SHLD2: variants seen among roughly 807,000 people sequenced by gnomAD.
SHLD2 encodes the protein shieldin complex subunit 2.
SHLD2 carries 30 observed loss-of-function variants against 73.2 expected under a neutral mutation model. The observed-to-expected ratio is 0.41, with a 90% CI of 0.31 to 0.56. SHLD2 has a LOEUF of 0.56. SHLD2 is among the 20% of genes least tolerant of loss of function. The pLI, the probability that SHLD2 is intolerant of heterozygous loss-of-function variation, is 0.28. For missense variants in SHLD2, 745 were observed against 1,055.9 expected (o/e 0.71, Z 4.08); for synonymous variants, 285 against 370.1 (o/e 0.77, Z 2.64).
intron 2 of SHLD2, among the ~76,000 whole-genome samples, chr10:87,113,800 G>T (rs1564580753): frequency 6.6e-6 from 1 of 152,172 alleles, no homozygotes; most frequent in African/African-American, 2.4e-5. Flanking sequence ...GAGGCCAGGA[G>T]TTCGAGAACA....
chr10:87,123,344 C>T (rs927868499), intron 2 of SHLD2, among the ~76,000 whole-genome samples: 1 of 151,912 alleles, frequency 6.6e-6, no homozygotes. Context: ...CTCTATCACC[C>T]AGGCTGGAGT....
chr10:87,164,063 T>C (rs923466810), intron 4 of SHLD2, among the ~76,000 whole-genome samples: 1 of 151,094 alleles, frequency 6.6e-6, no homozygotes, highest in African/African-American at 2.4e-5. Context: ...GTTCGAGCAA[T>C]TCTCCTGCTT....
At chr10:87,095,934 C>T (rs1275968763) in intron 1 of SHLD2, among the ~76,000 whole-genome samples, 1 of 152,206 alleles carries the variant, frequency 6.6e-6, no homozygotes, top group Non-Finnish European at 1.5e-5. Flanking sequence ...CTATCTCCCT[C>T]TGAAATAGTC....
chr10:87,136,451 A>T (rs1488723213), intron 2 of SHLD2, among the ~76,000 whole-genome samples: 1 of 150,732 alleles, frequency 6.6e-6, no homozygotes, highest in Non-Finnish European at 1.5e-5. Context: ...ACCAAGATCT[A>T]GGTGCTAGGT....
At position 87,146,082 on chromosome 10, in the gene SHLD2, A is replaced by C. The variant is rs201617023; in HGVS notation, c.-5-5268A>C. On this transcript the variant is annotated intron_variant, in intron 2 of 9. Coordinates refer to ENST00000298786, the MANE Select transcript of SHLD2 (RefSeq NM_001330112.2). ...GCCTTTGGTATAAACACTTTTTAAA[A>C]ATTTACTATTTTTTGATTTAATAGG... Among the ~76,000 whole-genome samples the C allele has an allele frequency of 5.8e-3, 882 of 152,126 alleles. 21 individuals carry two copies. The highest frequency in any genetic ancestry group is 8.3e-3 in the East Asian group (43 of 5,174).
intron 4 of SHLD2, among the ~76,000 whole-genome samples, chr10:87,160,332 C>T (rs185979581): frequency 0.015 from 2,292 of 151,846 alleles, 58 homozygotes; most frequent in African/African-American, 0.052. Flanking sequence ...ACTAAAAATA[C>T]GGAAAAATTA....
intron 2 of SHLD2, among the ~76,000 whole-genome samples, chr10:87,106,540 T>C (rs913051406): frequency 6.6e-6 from 1 of 152,242 alleles, no homozygotes; most frequent in African/African-American, 2.4e-5. Flanking sequence ...GATAACAGTT[T>C]TAAAATTATG....
chr10:87,146,601 T>A (rs1845627841), intron 2 of SHLD2, among the ~76,000 whole-genome samples: 1 of 151,368 alleles, frequency 6.6e-6, no homozygotes, highest in Non-Finnish European at 1.5e-5. Context: ...GCCTGCGATT[T>A]TTTTTTTTTT....
At chr10:87,094,679 C>T (rs1398759146), upstream of SHLD2, 1 of 1,516,224 alleles carries the variant, frequency 6.6e-7, no homozygotes, top group African/African-American at 1.4e-5. The surrounding 1 kb of genome is among the most constrained non-coding windows in gnomAD (Gnocchi z 6.6). Context: ...CGGGCCCAGC[C>T]CAGCAACGCG....
At chr10:87,150,046 G>T (rs976589417) in intron 2 of SHLD2, among the ~76,000 whole-genome samples, 2 of 149,684 alleles carry the variant, frequency 1.3e-5, no homozygotes, top group Admixed American at 1.3e-4. Context: ...CACCATGGCT[G>T]GCCAAAAATG....
rs1447345810 is a variant in SHLD2, at chr10:87,151,216, C to A, written c.-5-134C>A. The A allele has an allele frequency of 3.8e-5, 19 of 498,706 alleles. No homozygotes were observed. In the East Asian group the frequency reaches 4.0e-4, roughly 11 times the overall value. The allele number at this position is 498,706 out of a possible 1,614,324, so 30.9% of individuals were successfully genotyped here. A position where few individuals can be genotyped will look rare whatever the true frequency, so the allele number is the denominator to read the frequency against. ...TTATGAATTTTATATAATTAAATGG[C>A]ATATCAAAAAAATCACCTATGTTAA... On this transcript the variant is annotated intron_variant, in intron 2 of 9. Transcript: ENST00000298786.
At chr10:87,163,667 T>C (rs1267319898) in intron 4 of SHLD2, among the ~76,000 whole-genome samples, 3 of 150,342 alleles carry the variant, frequency 2.0e-5, no homozygotes, top group Non-Finnish European at 4.4e-5. Flanking sequence ...AATGAGTACA[T>C]AGATTGTAGA....
At chr10:87,176,558 T>C (rs1304625877) in intron 7 of SHLD2, among the ~76,000 whole-genome samples, 2 of 152,262 alleles carry the variant, frequency 1.3e-5, no homozygotes, top group South Asian at 4.1e-4. Flanking sequence ...TAGATTCCAG[T>C]AGTTTTAGGA....
At chr10:87,180,433 A>T (rs1303717012) in intron 8 of SHLD2, 130 bp downstream of exon 8, 2 of 1,225,056 alleles carry the variant, frequency 1.6e-6, no homozygotes, top group Non-Finnish European at 2.3e-6. Flanking sequence ...TTTCCGAGTG[A>T]TAGATAGCTA....
chr10:87,150,999 G>A (rs188514280), intron 2 of SHLD2, among the ~76,000 whole-genome samples: 204 of 151,892 alleles, frequency 1.3e-3, no homozygotes, highest in African/African-American at 4.8e-3. Flanking sequence ...CTAATTTTTT[G>A]TTTTTAGTAT....
At chr10:87,144,740 C>T (rs1845465586) in intron 2 of SHLD2, among the ~76,000 whole-genome samples, 1 of 147,350 alleles carries the variant, frequency 6.8e-6, no homozygotes, top group Admixed American at 6.9e-5. Flanking sequence ...CATGCTCCTG[C>T]CTCAGCCTCC....
intron 4 of SHLD2, among the ~76,000 whole-genome samples, chr10:87,168,754 T>G (rs1050327542): frequency 5.3e-5 from 8 of 152,062 alleles, no homozygotes; most frequent in Non-Finnish European, 5.9e-5. Flanking sequence ...GACATAGAGG[T>G]GGCAACAATA....
chr10:87,167,101 C>T (rs1455354279), intron 4 of SHLD2, among the ~76,000 whole-genome samples: 1 of 152,010 alleles, frequency 6.6e-6, no homozygotes, highest in Non-Finnish European at 1.5e-5. Context: ...AAATGCTTTG[C>T]AAGAGATTTG....
At position 87,127,535 on chromosome 10, in the gene SHLD2, C is replaced by CCCCCCCG. The variant is rs943625059; in HGVS notation, c.-5-23812_-5-23811insCCCGCCC. On this transcript the variant is annotated intron_variant, in intron 2 of 9. Transcript: ENST00000298786. ...TTTTTTGTCCCTCTTACCCGCCCCC[C>CCCCCCCG]CCCACCCCGTCTGCCACCCCCCGCC... is the stretch of plus-strand genomic sequence containing the variant. Among the ~76,000 whole-genome samples, 66 of 71,502 alleles carry CCCCCCCG rather than the reference C, an allele frequency of 9.2e-4. 1 individual carries two copies. Among genetic ancestry groups the CCCCCCCG allele is most frequent in the South Asian group, 5.9e-3 (13 of 2,186 alleles). 46.9% of individuals were successfully genotyped at this position (71,502 alleles called of 152,430 possible).
Sources: gnomAD v4.1 joint callset for allele counts (sites outside exome capture counted in the v4.1 genomes callset) on GRCh38, gnomAD v4.1.1 for gene constraint, Gnocchi (gnomAD v3.1) non-coding constraint, MANE v1.5 for transcripts, NCBI Gene and HGNC (gene_info 2026-07-23, HGNC 2026-07-21) for gene names.